The following FOXP1 variants were observed in gnomAD, a reference collection of about 807,000 sequenced individuals.
FOXP1 encodes forkhead box P1.
In FOXP1, 15 loss-of-function variants were observed where a neutral mutation model predicts 98.2. The ratio of observed to expected loss-of-function variants is 0.15; its 90% CI spans 0.10 to 0.24. FOXP1 has a LOEUF of 0.24. Ranked by LOEUF, FOXP1 falls within the 10% of genes least tolerant of loss-of-function variation. The probability of loss-of-function intolerance (pLI) is 1.00; values close to 1 mark genes in which losing one functional copy is unlikely to be tolerated. For missense variants in FOXP1, 633 were observed against 848.5 expected, an observed-to-expected ratio of 0.75 and a Z score of 3.15; for synonymous variants, 371 against 314.5, an observed-to-expected ratio of 1.18 and a Z score of -1.90.
At chr3:71,106,701 C>T (rs1233781633) in intron 7 of FOXP1, among the ~76,000 whole-genome samples, 1 of 151,592 alleles carries the variant, frequency 6.6e-6, no homozygotes, top group African/African-American at 2.4e-5. Context: ...CTCAAGAGAT[C>T]CTCTGGCCTC....
chr3:71,077,608 C>G (rs946406540), intron 7 of FOXP1, among the ~76,000 whole-genome samples: 1 of 152,202 alleles, frequency 6.6e-6, no homozygotes, highest in East Asian at 1.9e-4. Context: ...CGACTTCCTA[C>G]AGCATTCACT....
At chr3:71,414,116 C>T (rs776546500) in intron 3 of FOXP1, among the ~76,000 whole-genome samples, 3 of 152,014 alleles carry the variant, frequency 2.0e-5, no homozygotes, top group East Asian at 3.9e-4. Context: ...CCCCAACTCT[C>T]GGTCTTGCCG....
At chr3:71,201,086 T>C (rs1355575823) in intron 5 of FOXP1, among the ~76,000 whole-genome samples, 2 of 152,224 alleles carry the variant, frequency 1.3e-5, no homozygotes, top group Admixed American at 6.5e-5. Context: ...TCTATTATTA[T>C]TTTTTCATTC....
chr3:71,056,091 G>A (rs1446489402), intron 7 of FOXP1, among the ~76,000 whole-genome samples: 4 of 152,150 alleles, frequency 2.6e-5, no homozygotes, highest in Admixed American at 2.6e-4. Flanking sequence ...CGAGTGAGGT[G>A]GTGCTCACAC....
chr3:71,359,566 TG>T (rs2078407440), intron 3 of FOXP1, among the ~76,000 whole-genome samples: 1 of 152,196 alleles, frequency 6.6e-6, no homozygotes, highest in Non-Finnish European at 1.5e-5. Flanking sequence ...TTCTTTTTTC[TG>T]AGACAGGGTC....
intron 3 of FOXP1, among the ~76,000 whole-genome samples, chr3:71,476,031 C>T (rs1398467236): frequency 6.6e-6 from 1 of 151,920 alleles, no homozygotes; most frequent in Non-Finnish European, 1.5e-5. Context: ...CACAAGTCTA[C>T]ATGACAAAGT....
At chr3:71,400,646 C>G (rs557531430) in intron 3 of FOXP1, among the ~76,000 whole-genome samples, 86 of 152,146 alleles carry the variant, frequency 5.7e-4, no homozygotes, top group Non-Finnish European at 1.1e-3. Flanking sequence ...CCTGAGCCAC[C>G]ACGGCCAGCC....
intron 5 of FOXP1, among the ~76,000 whole-genome samples, chr3:71,229,117 G>A (rs1560150821): frequency 6.6e-6 from 1 of 152,200 alleles, no homozygotes; most frequent in African/African-American, 2.4e-5. Flanking sequence ...TATTTACTGG[G>A]AGAATGGGAA....
chr3:71,319,970 C>A (rs2075297971), intron 4 of FOXP1, among the ~76,000 whole-genome samples: 1 of 152,134 alleles, frequency 6.6e-6, no homozygotes. Flanking sequence ...CTTTCCTTCA[C>A]CCTGACCAAC....
In FOXP1 at chr3:70,970,810, G is replaced by A. The variant is rs771029995; in HGVS notation, c.1653-5C>T. 22 of 1,610,516 alleles carry A rather than the reference G, an allele frequency of 1.4e-5. No homozygotes were observed. Among genetic ancestry groups the A allele is most frequent in the Non-Finnish European group, 1.9e-5 (22 of 1,176,684 alleles). On this transcript the variant is annotated splice_polypyrimidine_tract_variant and splice_region_variant and intron_variant, in intron 18 of 20. Coordinates refer to ENST00000649528, the MANE Select transcript of FOXP1 (RefSeq NM_001349338.3). ...TTTTTAATAAGGGAAGGGTTACTGT[G>A]TAAGAAAAACATAAAAACTCAAAGT...
intron 3 of FOXP1, among the ~76,000 whole-genome samples, chr3:71,379,672 T>C (rs1455209149): frequency 6.6e-6 from 1 of 152,194 alleles, no homozygotes; most frequent in Non-Finnish European, 1.5e-5. Flanking sequence ...GAAAATCAAA[T>C]TGCTGTGTCC....
chr3:71,470,615 T>C (rs1410460212), intron 3 of FOXP1, among the ~76,000 whole-genome samples: 1 of 152,112 alleles, frequency 6.6e-6, no homozygotes, highest in Non-Finnish European at 1.5e-5. Context: ...TGTGCGCTCC[T>C]GTAGTCCCAG....
intron 2 of FOXP1, among the ~76,000 whole-genome samples, chr3:71,576,480 T>C (rs1260768284): frequency 6.6e-6 from 1 of 152,234 alleles, no homozygotes; most frequent in Non-Finnish European, 1.5e-5. Context: ...TGTCAAGATA[T>C]TTACAGGGCT....
At chr3:71,370,095 G>A (rs2079190171) in intron 3 of FOXP1, among the ~76,000 whole-genome samples, 1 of 152,160 alleles carries the variant, frequency 6.6e-6, no homozygotes, top group Admixed American at 6.5e-5. Context: ...AGGATTTTCT[G>A]ACAGCGCTGT....
intron 5 of FOXP1, among the ~76,000 whole-genome samples, chr3:71,247,987 G>A (rs1435172581): frequency 1.3e-5 from 2 of 152,190 alleles, no homozygotes; most frequent in Non-Finnish European, 2.9e-5. Context: ...CAAAAAGAGA[G>A]CTGGCTGAAC....
chr3:71,464,952 C>G (rs2088539032), intron 3 of FOXP1, among the ~76,000 whole-genome samples: 1 of 152,160 alleles, frequency 6.6e-6, no homozygotes, highest in African/African-American at 2.4e-5. Flanking sequence ...GACTGTAGCA[C>G]CTGCCTCATA....
chr3:71,015,153 AGAT>A (rs1257478927), intron 12 of FOXP1, among the ~76,000 whole-genome samples: 24 of 151,706 alleles, frequency 1.6e-4, no homozygotes, highest in Non-Finnish European at 2.8e-4. Context: ...AAAAAAAAGA[AGAT>A]GACACCTCCA....
chr3:71,311,923 C>A (rs912362978), intron 4 of FOXP1, among the ~76,000 whole-genome samples: 3 of 152,194 alleles, frequency 2.0e-5, no homozygotes, highest in Admixed American at 6.5e-5. Context: ...CCCTTCTACA[C>A]TCAACTATGA....
rs535347549 is a variant in FOXP1, at chr3:71,387,678, T to C, written c.-167-28434A>G. Reference sequence around the variant, plus strand: ...CATAACAATTCTTAAAAGCGATATATGCATGTGTGATGATTACACATTATA... The same window carrying C: ...CATAACAATTCTTAAAAGCGATATACGCATGTGTGATGATTACACATTATA... On this transcript the variant is annotated intron_variant, in intron 3 of 20. Transcript: ENST00000649528. Among the ~76,000 whole-genome samples the C allele has an allele frequency of 3.3e-5, 5 of 152,362 alleles. No homozygotes were observed. In the South Asian group the frequency reaches 1.0e-3, roughly 32 times the overall value.
Sources: gnomAD v4.1 joint callset for allele counts (sites outside exome capture counted in the v4.1 genomes callset) on GRCh38, gnomAD v4.1.1 for gene constraint, MANE v1.5 for transcripts, NCBI Gene and HGNC (gene_info 2026-07-23, HGNC 2026-07-21) for gene names.